TNR: variants seen among roughly 807,000 people sequenced by gnomAD.
TNR encodes tenascin-R.
Under a neutral mutation model 150.4 loss-of-function variants are expected in TNR, and 45 were observed. The observed-to-expected ratio is 0.30, with a 90% CI of 0.24 to 0.38. The LOEUF is 0.38. Ranked by LOEUF, TNR falls within the 10% of genes least tolerant of loss-of-function variation. TNR has a pLI of 1.00. For synonymous variants in TNR, 687 were observed against 678.4 expected (o/e 1.01, Z -0.20); for missense variants, 1,544 against 1,759.1 (o/e 0.88, Z 2.19).
chr1:175,541,881 T>C (rs1660513539), intron 1 of TNR, among the ~76,000 whole-genome samples: 1 of 152,196 alleles, frequency 6.6e-6, no homozygotes, highest in Admixed American at 6.5e-5. Flanking sequence ...GTCTGAACCA[T>C]ATGAAATTGC....
Position 175,429,870 on chromosome 1 carries a change from A to G in TNR, c.-63-23093T>C, listed in dbSNP as rs553705947. ...CCCAAAAGCCCAGAAGCCCAGGGTT[A>G]GCAAATAAGTGATATGCGTGTCTTT... On this transcript the variant is annotated intron_variant, in intron 2 of 22. Transcript: ENST00000367674. Among the ~76,000 whole-genome samples the G allele has an allele frequency of 2.8e-4, 42 of 152,274 alleles. No individual in the cohort carries two copies. The South Asian group carries it at 8.3e-3, about 30-fold the overall frequency.
At chr1:175,359,756 A>G in intron 14 of TNR, 25 bp from the exon 15 acceptor site, 5 of 1,589,700 alleles carry the variant, frequency 3.1e-6, no homozygotes, top group Non-Finnish European at 4.3e-6. Context: ...ATTATCAGTT[A>G]CAGATAAGAG....
intron 1 of TNR, among the ~76,000 whole-genome samples, chr1:175,542,013 A>G (rs1181040398): frequency 2.0e-5 from 3 of 152,170 alleles, no homozygotes; most frequent in East Asian, 1.9e-4. Flanking sequence ...CGCTCTACCA[A>G]TGCAAGCCAT....
intron 2 of TNR, among the ~76,000 whole-genome samples, chr1:175,425,018 T>C (rs1385654305): frequency 5.3e-5 from 8 of 152,048 alleles, no homozygotes; most frequent in Non-Finnish European, 1.5e-5. Context: ...TCTAGAGAGA[T>C]TCTTGGAGTA....
chr1:175,499,478 G>T (rs995375365), intron 2 of TNR, among the ~76,000 whole-genome samples: 7 of 152,120 alleles, frequency 4.6e-5, no homozygotes, highest in African/African-American at 1.7e-4. Flanking sequence ...CTCAACTTAA[G>T]ACCTGGGTAT....
At chr1:175,643,175 C>T (rs1388050130) in intron 1 of TNR, among the ~76,000 whole-genome samples, 5 of 152,166 alleles carry the variant, frequency 3.3e-5, no homozygotes, top group Non-Finnish European at 7.4e-5. Flanking sequence ...TCCTGGCCTG[C>T]ACCTCTTTTC....
intron 1 of TNR, among the ~76,000 whole-genome samples, chr1:175,532,290 A>G (rs1477576312): frequency 6.6e-6 from 1 of 152,242 alleles, no homozygotes; most frequent in Non-Finnish European, 1.5e-5. Context: ...TTGCTGAACA[A>G]TGGATCAGAT....
chr1:175,547,597 GAAAGAAAGAAAGAAAC>G lies in TNR; in HGVS notation c.-164-19244_-164-19229del, dbSNP rs1313317376. Among the ~76,000 whole-genome samples the G allele has an allele frequency of 1.4e-3, 33 of 24,354 alleles. 1 individual carries two copies. The highest frequency in any genetic ancestry group is 2.4e-3 in the African/African-American group (30 of 12,324). The allele number at this position is 24,354 out of a possible 152,430, so 16.0% of individuals were successfully genotyped here. A position where few individuals can be genotyped will look rare whatever the true frequency, so the allele number is the denominator to read the frequency against. On this transcript the variant is annotated intron_variant, in intron 1 of 22. Transcript: ENST00000367674. Reference sequence around the variant, plus strand: ...AGAAAGAAAGAAAGAAAGAAAGAAAGAAAGAAAGAAAGAAACAAAGAAACAAAGAAAGAAAGAAAGA... The same window carrying G: ...AGAAAGAAAGAAAGAAAGAAAGAAAGAAAGAAACAAAGAAAGAAAGAAAGA...
At chr1:175,577,129 T>C (rs1458950703) in intron 1 of TNR, among the ~76,000 whole-genome samples, 1 of 152,076 alleles carries the variant, frequency 6.6e-6, no homozygotes, top group African/African-American at 2.4e-5. Context: ...GGTAAGCATA[T>C]ATAGGGTACA....
At chr1:175,538,841 T>A (rs577244577) in intron 1 of TNR, 17 of 152,358 alleles carry the variant, frequency 1.1e-4, no homozygotes, top group South Asian at 6.2e-4. Context: ...ATGTCCCAGA[T>A]GTTGGGATTA....
At chr1:175,614,587 T>C (rs759538286) in intron 1 of TNR, among the ~76,000 whole-genome samples, 5 of 152,226 alleles carry the variant, frequency 3.3e-5, no homozygotes, top group African/African-American at 1.2e-4. Flanking sequence ...CATATCATCA[T>C]CATCTCAAAT....
chr1:175,567,824 A>G (rs910525576), intron 1 of TNR, among the ~76,000 whole-genome samples: 1 of 152,170 alleles, frequency 6.6e-6, no homozygotes, highest in African/African-American at 2.4e-5. Flanking sequence ...ATGTGAATGA[A>G]GTGGGATGGA....
intron 1 of TNR, among the ~76,000 whole-genome samples, chr1:175,568,512 A>C (rs1010921396): frequency 4.6e-5 from 7 of 152,080 alleles, no homozygotes; most frequent in Admixed American, 4.6e-4. Context: ...CCCTCCATCC[A>C]TCAGTCCTTT....
intron 2 of TNR, among the ~76,000 whole-genome samples, chr1:175,452,115 C>T (rs1328191238): frequency 2.0e-5 from 3 of 152,242 alleles, no homozygotes; most frequent in African/African-American, 4.8e-5. Flanking sequence ...CAGCATCGTG[C>T]ACCGGTGCCT....
At position 175,668,270 on chromosome 1, in the gene TNR, G is replaced by A. The variant is rs113937885; in HGVS notation, c.-165+74956C>T. Among the ~76,000 whole-genome samples the A allele has an allele frequency of 8.1e-4, 123 of 152,314 alleles. 1 individual carries two copies. The highest frequency in any genetic ancestry group is 3.4e-3 in the Middle Eastern group (1 of 294). On this transcript the variant is annotated intron_variant, in intron 1 of 22. Coordinates refer to ENST00000367674, the MANE Select transcript of TNR (RefSeq NM_003285.3). Reference sequence around the variant, plus strand: ...AAAAGAAGTCAGTGTGAGAGACACAGGGGGAGGAAGGATAGCCCCACACGT... The same window carrying A: ...AAAAGAAGTCAGTGTGAGAGACACAAGGGGAGGAAGGATAGCCCCACACGT...
chr1:175,558,449 T>C (rs1329903300), intron 1 of TNR, among the ~76,000 whole-genome samples: 1 of 152,170 alleles, frequency 6.6e-6, no homozygotes, highest in Admixed American at 6.5e-5. Flanking sequence ...ATCTACACTA[T>C]AAATATGAGG....
At chr1:175,671,911 CTGTGTGTGTG>C (rs35804880) in intron 1 of TNR, among the ~76,000 whole-genome samples, 2 of 142,140 alleles carry the variant, frequency 1.4e-5, no homozygotes, top group East Asian at 2.2e-4. Flanking sequence ...TGAGCTGTAC[CTGTGTGTGTG>C]TGTGTGTGTG....
intron 1 of TNR, among the ~76,000 whole-genome samples, chr1:175,539,432 G>A (rs1660414244): frequency 6.6e-6 from 1 of 152,190 alleles, no homozygotes; most frequent in Non-Finnish European, 1.5e-5. Flanking sequence ...ACCCATGTGT[G>A]GAATCTGGGA....
At chr1:175,505,042 T>TG (rs1458950654) in intron 2 of TNR, among the ~76,000 whole-genome samples, 6 of 226 alleles carry the variant, frequency 0.027, no homozygotes, top group African/African-American at 0.14. Context: ...CAGGACTGTG[T>TG]TGGATTCCCG....
Sources: allele counts gnomAD v4.1 joint callset (sites outside exome capture counted in the v4.1 genomes callset), GRCh38; gene constraint gnomAD v4.1.1; transcripts MANE v1.5; gene names NCBI Gene and HGNC (gene_info 2026-07-23, HGNC 2026-07-21).